ABCB5: variants seen among roughly 807,000 people sequenced by gnomAD.
ABCB5 encodes ATP binding cassette subfamily B member 5, also known as ATP-binding cassette sub-family B member 5.
In ABCB5, 155 loss-of-function variants were observed where a neutral mutation model predicts 144.2. That is an observed-to-expected ratio of 1.08 (90% CI 0.94 to 1.23). The LOEUF (loss-of-function observed/expected upper bound fraction) is 1.23. Ranked by LOEUF, ABCB5 falls within the 50% of genes most tolerant of loss-of-function variation. The probability of loss-of-function intolerance (pLI) is 0.00; values close to 1 mark genes in which losing one functional copy is unlikely to be tolerated. For synonymous variants in ABCB5, 610 were observed against 528.6 expected (o/e 1.15, Z -2.11); for missense variants, 1,830 against 1,520.8 (o/e 1.20, Z -3.38).
chr7:20,629,000 CAA>C (rs1373684209), intron 4 of ABCB5, among the ~76,000 whole-genome samples, 162 bp downstream of exon 4: 2 of 151,724 alleles, frequency 1.3e-5, no homozygotes, highest in Admixed American at 1.3e-4. Flanking sequence ...ACTAAAGAAA[CAA>C]AATCTTCATG....
At chr7:20,648,107 C>T (rs1201398077) in intron 11 of ABCB5, 29 bp downstream of exon 11, 2 of 1,320,852 alleles carry the variant, frequency 1.5e-6, no homozygotes, top group Non-Finnish European at 1.1e-6. Flanking sequence ...CGCAATTGTG[C>T]AGTTTTCTGA....
Position 20,698,390 on chromosome 7 carries a change from A to G in ABCB5, c.2011-17A>G. The G allele has an allele frequency of 6.4e-7, 1 of 1,554,756 alleles. No individual in the cohort carries two copies. Among genetic ancestry groups the G allele is most frequent in the Non-Finnish European group, 8.6e-7 (1 of 1,156,650 alleles). ...GCACACAAACTGGCATTTTTAACCA[A>G]CATATTTTATTTTTAGATAAGTCTT... On this transcript the variant is annotated splice_polypyrimidine_tract_variant and intron_variant, in intron 16 of 27. Coordinates refer to ENST00000404938, the MANE Select transcript of ABCB5 (RefSeq NM_001163941.2).
intron 26 of ABCB5, among the ~76,000 whole-genome samples, chr7:20,748,821 T>C (rs528673644): frequency 7.0e-4 from 106 of 152,188 alleles, no homozygotes; most frequent in Non-Finnish European, 1.4e-3. Flanking sequence ...ATAAAATATA[T>C]ACCCATATGT....
At chr7:20,738,888 A>T in intron 23 of ABCB5, 95 bp from the exon 24 acceptor site, 1 of 1,357,610 alleles carries the variant, frequency 7.4e-7, no homozygotes, top group Non-Finnish European at 9.8e-7. Flanking sequence ...TCAAAAGATT[A>T]TATTCCTGTG....
At chr7:20,661,556 G>A (rs1185230107) in intron 14 of ABCB5, among the ~76,000 whole-genome samples, 2 of 92,348 alleles carry the variant, frequency 2.2e-5, no homozygotes, top group Admixed American at 1.1e-4. Flanking sequence ...TTTTTTTTGA[G>A]ACCGAGTCTC....
chr7:20,634,238 T>TTGTGTG (rs10688708), intron 5 of ABCB5, among the ~76,000 whole-genome samples: 18,392 of 140,320 alleles, frequency 0.13, 1,306 homozygotes, highest in African/African-American at 0.18. Flanking sequence ...GTATTCCATG[T>TTGTGTG]TGTGTGTGTG....
At chr7:20,678,094 C>T (rs923390390) in intron 14 of ABCB5, among the ~76,000 whole-genome samples, 3 of 152,110 alleles carry the variant, frequency 2.0e-5, no homozygotes, top group African/African-American at 7.2e-5. Context: ...ATCCATAGAT[C>T]CAATAAGTAA....
At chr7:20,690,197 A>G (rs1020707933) in intron 16 of ABCB5, among the ~76,000 whole-genome samples, 5 of 152,264 alleles carry the variant, frequency 3.3e-5, no homozygotes, top group Admixed American at 1.3e-4. Context: ...TCTAAGCAAC[A>G]AACTACAATA....
At chr7:20,723,253 T>C in intron 21 of ABCB5, 34 bp downstream of exon 21, 1 of 1,600,420 alleles carries the variant, frequency 6.2e-7, no homozygotes, top group East Asian at 2.2e-5. Flanking sequence ...ATCGTAACAT[T>C]TAAAGAGAAA....
intron 16 of ABCB5, among the ~76,000 whole-genome samples, chr7:20,696,676 A>G (rs1253220972): frequency 6.6e-6 from 1 of 152,094 alleles, no homozygotes; most frequent in Non-Finnish European, 1.5e-5. Flanking sequence ...AATACTCGTC[A>G]TATCTCTTTA....
At chr7:20,627,179 C>G (rs1187964600) in intron 3 of ABCB5, among the ~76,000 whole-genome samples, 1 of 152,108 alleles carries the variant, frequency 6.6e-6, no homozygotes, top group Non-Finnish European at 1.5e-5. Context: ...ATCTCTGTGT[C>G]AGCCTGGCTG....
At position 20,728,372 on chromosome 7, in the gene ABCB5, T is replaced by C; in HGVS notation, c.2784T>C (p.Phe928=). The C allele has an allele frequency of 6.2e-7, 1 of 1,614,186 alleles. No homozygotes were observed. Among genetic ancestry groups the C allele is most frequent in the Non-Finnish European group, 8.5e-7 (1 of 1,180,020 alleles). Residue 928 remains phenylalanine, a synonymous_variant, in exon 23 of 28, where the codon TTT becomes TTC. Coordinates refer to ENST00000404938, the MANE Select transcript of ABCB5 (RefSeq NM_001163941.2). ...IGSCYAFSHA[F]IYFAYAAGFR... is the part of the protein sequence containing the mutation. ...GCTGTTATGCATTCAGCCATGCCTT[T>C]ATATATTTTGCCTATGCGGCAGGGT...
At chr7:20,675,077 A>T (rs991125386) in intron 14 of ABCB5, among the ~76,000 whole-genome samples, 3 of 151,978 alleles carry the variant, frequency 2.0e-5, no homozygotes, top group Non-Finnish European at 4.4e-5. Context: ...TACCCAAAGC[A>T]ATCTACAGAT....
At position 20,727,107 on chromosome 7, in the gene ABCB5, A is replaced by C. The variant is rs1184911587; in HGVS notation, c.2693A>C (p.Gln898Pro). The C allele has an allele frequency of 1.9e-6, 3 of 1,613,608 alleles. No homozygotes were observed. Among genetic ancestry groups the C allele is most frequent in the Non-Finnish European group, 2.5e-6 (3 of 1,179,812 alleles). Residue 898 changes from glutamine to proline, a missense_variant, in exon 22 of 28, where the codon CAA becomes CCA. Gln to Pro is a moderately conservative substitution (Grantham distance 76). Transcript: ENST00000404938. The stretch of plus-strand genomic sequence containing the variant: ...TTAACAAGGGAAAAAGCCTTCGAGC[A>C]AATGTATGAAGAGATGCTTCAGACT... The part of the protein sequence containing the change: ...VSLTREKAFE[Q>P]MYEEMLQTQH...
intron 17 of ABCB5, among the ~76,000 whole-genome samples, chr7:20,699,059 A>G (rs749550723): frequency 3.3e-5 from 5 of 152,240 alleles, no homozygotes; most frequent in Non-Finnish European, 7.3e-5. Context: ...TTGCACAGCT[A>G]TACTTTATCA....
chr7:20,671,915 T>C (rs998890898), intron 14 of ABCB5, among the ~76,000 whole-genome samples: 1 of 152,238 alleles, frequency 6.6e-6, no homozygotes, highest in Non-Finnish European at 1.5e-5. Flanking sequence ...GTTTTTCTTT[T>C]ACATTTCTAC....
chr7:20,636,076 C>T (rs1488875538), intron 5 of ABCB5, among the ~76,000 whole-genome samples: 1 of 152,070 alleles, frequency 6.6e-6, no homozygotes, highest in African/African-American at 2.4e-5. Flanking sequence ...TAGTGTTGTT[C>T]TGGGCTACAA....
intron 20 of ABCB5, among the ~76,000 whole-genome samples, chr7:20,712,640 T>C (rs1781524676): frequency 6.7e-6 from 1 of 149,644 alleles, no homozygotes; most frequent in Non-Finnish European, 1.5e-5. Context: ...TTTAATCTGC[T>C]ATTGATCCTA....
rs1007443899 is a variant in ABCB5, at chr7:20,647,600, C to T, written c.1047C>T (p.Phe349=). ...CAGCAGTCCCTCACTTTGAAACCTTCGCAATAGCCCGAGGAGCTGCCTTTC... is the reference window on the plus strand; with the variant it reads ...CAGCAGTCCCTCACTTTGAAACCTTTGCAATAGCCCGAGGAGCTGCCTTTC... ...IGAAVPHFET[F]AIARGAAFHI... The change falls in exon 10 of 28, where the codon TTC becomes TTT. Residue 349 remains phenylalanine (F), a synonymous_variant. Transcript: ENST00000404938. 23 of 1,587,450 alleles carry T rather than the reference C, an allele frequency of 1.4e-5. No individual in the cohort carries two copies. The highest frequency in any genetic ancestry group is 9.4e-5 in the African/African-American group (7 of 74,536).
Sources: gnomAD v4.1 joint callset for allele counts (sites outside exome capture counted in the v4.1 genomes callset) on GRCh38, gnomAD v4.1.1 for gene constraint, MANE v1.5 for transcripts, NCBI Gene and HGNC (gene_info 2026-07-23, HGNC 2026-07-21) for gene names.